The following PRKG1 variants were observed in gnomAD, a reference collection of about 807,000 sequenced individuals.
The protein encoded by PRKG1 is protein kinase cGMP-dependent 1.
Under a neutral mutation model 88.1 loss-of-function variants are expected in PRKG1, and 35 were observed. The observed-to-expected ratio is 0.40, with a 90% CI of 0.30 to 0.53. PRKG1 has a LOEUF of 0.53. Among genes scored for constraint, PRKG1 ranks in the 20% least tolerant of loss-of-function variants. The pLI is 0.59. For synonymous variants in PRKG1, 303 were observed against 292.5 expected (o/e 1.04, Z -0.37); for missense variants, 540 against 839.8 (o/e 0.64, Z 4.41).
At chr10:51,467,266 C>G (rs1588987232) in intron 2 of PRKG1, among the ~76,000 whole-genome samples, 1 of 151,870 alleles carries the variant, frequency 6.6e-6, no homozygotes, top group Non-Finnish European at 1.5e-5. Flanking sequence ...TAAAAAGATA[C>G]CATGAGCAGA....
chr10:51,579,760 G>C (rs1251823530), intron 3 of PRKG1, among the ~76,000 whole-genome samples: 20 of 151,900 alleles, frequency 1.3e-4, no homozygotes, highest in Non-Finnish European at 2.1e-4. Flanking sequence ...GTTGATATTT[G>C]TGTCAATAAA....
intron 3 of PRKG1, chr10:51,696,619 G>C (rs1364873278): frequency 6.6e-6 from 1 of 151,892 alleles, no homozygotes; most frequent in Non-Finnish European, 1.5e-5. Context: ...TGTAGGGTGG[G>C]ATAAGTGAAG....
chr10:51,292,622 T>C (rs995305972), intron 2 of PRKG1, among the ~76,000 whole-genome samples: 1 of 152,182 alleles, frequency 6.6e-6, no homozygotes, highest in Non-Finnish European at 1.5e-5. Flanking sequence ...CTCAAAATGC[T>C]ATTTTATAAT....
chr10:51,236,837 C>T (rs1839006486), intron 2 of PRKG1, among the ~76,000 whole-genome samples: 1 of 152,040 alleles, frequency 6.6e-6, no homozygotes, highest in African/African-American at 2.4e-5. Flanking sequence ...TGTGAGATGC[C>T]AGTATAACCC....
intron 2 of PRKG1, among the ~76,000 whole-genome samples, chr10:51,392,868 C>T (rs1365991049): frequency 7.1e-6 from 1 of 141,286 alleles, no homozygotes; most frequent in East Asian, 2.1e-4. Flanking sequence ...GCTGACCCCC[C>T]CACCTCCCTC....
chr10:51,419,432 A>G (rs1838345654), intron 2 of PRKG1, among the ~76,000 whole-genome samples: 1 of 152,124 alleles, frequency 6.6e-6, no homozygotes, highest in South Asian at 2.1e-4. Flanking sequence ...TTTTTTGGTC[A>G]TTATTATTAT....
intron 2 of PRKG1, among the ~76,000 whole-genome samples, chr10:51,390,990 CT>C (rs1322155970): frequency 6.6e-6 from 1 of 152,150 alleles, no homozygotes; most frequent in East Asian, 1.9e-4. Flanking sequence ...TTGATTTAGT[CT>C]TCGTAAACAT....
chr10:51,349,484 A>ATG (rs1186738970), intron 2 of PRKG1, among the ~76,000 whole-genome samples: 96 of 112,992 alleles, frequency 8.5e-4, no homozygotes, highest in African/African-American at 2.3e-3. Flanking sequence ...GTGTGTGTGT[A>ATG]TGTGTGTGTG....
chr10:52,020,195 G>A (rs1845146662), intron 5 of PRKG1, among the ~76,000 whole-genome samples: 1 of 151,888 alleles, frequency 6.6e-6, no homozygotes, highest in Non-Finnish European at 1.5e-5. Context: ...TTGGCTTATA[G>A]TAAATCTCCA....
intron 1 of PRKG1, among the ~76,000 whole-genome samples, chr10:51,091,088 A>G (rs1035758589): frequency 7.2e-5 from 11 of 152,222 alleles, no homozygotes; most frequent in Non-Finnish European, 1.6e-4. Flanking sequence ...AGAGGAATAC[A>G]TTAATGGTCT....
At chr10:51,705,851 T>C (rs1429429500) in intron 3 of PRKG1, among the ~76,000 whole-genome samples, 2 of 152,226 alleles carry the variant, frequency 1.3e-5, no homozygotes, top group African/African-American at 4.8e-5. Context: ...TTAAATGAGT[T>C]GCCTAAGGAT....
chr10:51,240,550 C>T (rs1270533970), intron 2 of PRKG1, among the ~76,000 whole-genome samples: 1 of 152,186 alleles, frequency 6.6e-6, no homozygotes, highest in Non-Finnish European at 1.5e-5. Flanking sequence ...TTCTGAAGGT[C>T]AGGAACTCTC....
chr10:51,182,644 C>A (rs1837377771), intron 2 of PRKG1, among the ~76,000 whole-genome samples: 1 of 152,084 alleles, frequency 6.6e-6, no homozygotes, highest in Non-Finnish European at 1.5e-5. Context: ...TGGGTTATGG[C>A]AGGTAATATA....
intron 2 of PRKG1, among the ~76,000 whole-genome samples, chr10:51,213,491 A>G (rs930944251): frequency 2.6e-5 from 4 of 152,210 alleles, no homozygotes; most frequent in African/African-American, 7.2e-5. Flanking sequence ...GTAGTTATAT[A>G]TGTCTTTCTA....
rs375614594 is a variant in PRKG1 at position 51,730,023 on chromosome 10, A to G, written c.593-74562A>G. 5.9e-5 allele frequency among the ~76,000 whole-genome samples: 9 copies of G among 152,282 alleles called. No individual in the cohort carries two copies. In the East Asian group the frequency reaches 9.7e-4, roughly 16 times the overall value. On this transcript the variant is annotated intron_variant, in intron 3 of 17. Coordinates refer to ENST00000373980, the MANE Select transcript of PRKG1 (RefSeq NM_006258.4). The stretch of plus-strand genomic sequence containing the variant: ...AACCTATATTGACCCGTCATTACCC[A>G]AAGTCCATAGTTTACATTAGGGTTC...
intron 3 of PRKG1, among the ~76,000 whole-genome samples, chr10:51,755,233 G>C (rs952458141): frequency 3.3e-5 from 5 of 152,196 alleles, no homozygotes; most frequent in Admixed American, 6.5e-5. Context: ...GATACTTAAG[G>C]AGAAGGTGTC....
At chr10:51,263,060 A>G (rs1839754046) in intron 2 of PRKG1, among the ~76,000 whole-genome samples, 1 of 152,106 alleles carries the variant, frequency 6.6e-6, no homozygotes, top group Non-Finnish European at 1.5e-5. Flanking sequence ...ACTTTTAGAG[A>G]TTTGTACTCT....
At chr10:51,914,421 C>T (rs2339891) in intron 5 of PRKG1, among the ~76,000 whole-genome samples, 45,921 of 151,832 alleles carry the variant, frequency 0.3, 7,340 homozygotes, top group East Asian at 0.49. Context: ...TGAGGAAAAC[C>T]GAACTTTATT....
intron 1 of PRKG1, among the ~76,000 whole-genome samples, chr10:51,131,772 A>C (rs910290521): frequency 5.8e-4 from 88 of 152,260 alleles, no homozygotes; most frequent in Admixed American, 1.1e-3. Context: ...GAGTGCCTAC[A>C]AATGTGTGAT....
Sources: gnomAD v4.1 joint callset for allele counts (sites outside exome capture counted in the v4.1 genomes callset) on GRCh38, gnomAD v4.1.1 for gene constraint, MANE v1.5 for transcripts, NCBI Gene and HGNC (gene_info 2026-07-23, HGNC 2026-07-21) for gene names.